Variants in DNAH10 observed in about 807,000 individuals in gnomAD.
DNAH10 encodes the protein axonemal beta dynein heavy chain 10.
A neutral mutation model predicts 506.6 loss-of-function variants in DNAH10; 348 were observed. That is an observed-to-expected ratio of 0.69 (90% confidence interval 0.63 to 0.75). DNAH10 has a LOEUF of 0.75. Among genes scored for constraint, DNAH10 ranks in the 30% least tolerant of loss-of-function variants. The probability of loss-of-function intolerance (pLI) is 0.00; values close to 1 mark genes in which losing one functional copy is unlikely to be tolerated. For synonymous variants in DNAH10, 2,059 were observed against 2,198.6 expected (o/e 0.94, Z 1.78); for missense variants, 5,179 against 5,787.1 (o/e 0.89, Z 3.41).
At chr12:123,764,075 G>A (rs897819449) in intron 1 of DNAH10, among the ~76,000 whole-genome samples, 12 of 150,472 alleles carry the variant, frequency 8.0e-5, no homozygotes, top group Non-Finnish European at 1.5e-5. Context: ...CATGTTGGCC[G>A]GGCTGCTCTT....
chr12:123,926,528 T>A lies in DNAH10; in HGVS notation c.11922-109T>A. ...ACTGCAACGAGCTATCCCAGAGGAG[T>A]GGTCAGAAGGTTCTGGACACCGGAG... On this transcript the variant is annotated intron_variant, in intron 68 of 78. Transcript: ENST00000673944. The surrounding 1 kb of genome is among the most constrained non-coding windows in gnomAD (Gnocchi z 4.1). The A allele has an allele frequency of 1.7e-6, 2 of 1,146,788 alleles. No individual in the cohort carries two copies. The highest frequency in any genetic ancestry group is 1.7e-5 in the South Asian group (1 of 58,620). The allele number at this position is 1,146,788 out of a possible 1,614,324, so 71.0% of individuals were successfully genotyped here.
intron 21 of DNAH10, among the ~76,000 whole-genome samples, chr12:123,814,541 C>T (rs1959068702): frequency 6.6e-6 from 1 of 151,556 alleles, no homozygotes; most frequent in Admixed American, 6.6e-5. Context: ...AAACTTCATG[C>T]AAATCCTGAT....
chr12:123,890,785 G>T (rs1436175374), intron 52 of DNAH10, among the ~76,000 whole-genome samples: 1 of 152,164 alleles, frequency 6.6e-6, no homozygotes, highest in Non-Finnish European at 1.5e-5. Context: ...GAGCCAACGG[G>T]ACTTCGATCG....
At chr12:123,833,378 A>C in intron 27 of DNAH10, 31 bp downstream of exon 27, 1 of 1,558,086 alleles carries the variant, frequency 6.4e-7, no homozygotes, top group Non-Finnish European at 8.8e-7. Context: ...AAGATGGATT[A>C]GAGCCAGTGC....
intron 48 of DNAH10, 86 bp downstream of exon 48, chr12:123,877,994 T>G: frequency 6.9e-7 from 1 of 1,456,834 alleles, no homozygotes; most frequent in Non-Finnish European, 9.3e-7. Context: ...ATCAGTGGAT[T>G]TGATGAATCG....
chr12:123,844,675 G>A (rs1213438219), intron 30 of DNAH10, among the ~76,000 whole-genome samples: 2 of 152,224 alleles, frequency 1.3e-5, no homozygotes, highest in Non-Finnish European at 2.9e-5. Flanking sequence ...GTCTTGCTCT[G>A]TTGCCCTGGC....
intron 1 of DNAH10, among the ~76,000 whole-genome samples, chr12:123,767,028 C>CGCA (rs1208126697): frequency 4.0e-5 from 6 of 151,812 alleles, no homozygotes; most frequent in African/African-American, 1.5e-4. Context: ...GCATCAGCCT[C>CGCA]CCAAGTAGCT....
chr12:123,778,040 A>G (rs1957505356), intron 5 of DNAH10, among the ~76,000 whole-genome samples: 1 of 151,990 alleles, frequency 6.6e-6, no homozygotes, highest in Non-Finnish European at 1.5e-5. Context: ...CTCTACCAAA[A>G]AGAAAAAGAA....
rs1313062391 is a variant in DNAH10 at position 123,914,871 on chromosome 12, C to T, written c.10594C>T (p.Pro3532Ser). ...TTCCAGATGGGGATCCCAGGGCCTT[C>T]CCCCCGATGAGCTCTCCGTTCAGAA... Reference protein sequence around the residue: ...EISRWGSQGLPPDELSVQNGI... With the variant: ...EISRWGSQGLSPDELSVQNGI... Residue 3532 changes from proline to serine, a missense_variant, in exon 62 of 79, where the codon CCC becomes TCC. Coordinates refer to ENST00000673944, the MANE Select transcript of DNAH10 (RefSeq NM_001372106.1). 1.2e-5 allele frequency: 20 copies of T among 1,613,130 alleles called. No individual in the cohort carries two copies. In the East Asian group the frequency reaches 3.6e-4, roughly 29 times the overall value.
chr12:123,819,091 A>C (rs748799698), intron 22 of DNAH10, 25 bp downstream of exon 22: 37 of 1,599,300 alleles, frequency 2.3e-5, no homozygotes, highest in Non-Finnish European at 3.0e-5. Flanking sequence ...TCACTTCCTG[A>C]GTAAAGACAT....
chr12:123,805,933 C>T (rs1001945115), intron 18 of DNAH10, among the ~76,000 whole-genome samples: 6 of 152,008 alleles, frequency 3.9e-5, no homozygotes, highest in African/African-American at 7.2e-5. Flanking sequence ...CCCACCACTA[C>T]GCCTGGCTAG....
Position 123,903,009 on chromosome 12 carries a change from G to A in DNAH10, c.9711G>A (p.Met3237Ile). ...AGGAGCAGAACAAAGTCATTGCCAT[G>A]GAGAAGGCCGAGGCCGAGACGACCC... ...EIEEQNKVIA[M>I]EKAEAETTLA... Residue 3237 changes from methionine (M) to isoleucine (I), a missense_variant, in exon 57 of 79, where the codon ATG becomes ATA. Met to Ile is a conservative substitution (Grantham distance 10). Transcript: ENST00000673944. The surrounding 1 kb of genome is among the most constrained non-coding windows in gnomAD (Gnocchi z 4.6). 4 of 1,601,638 alleles carry A rather than the reference G, an allele frequency of 2.5e-6. No homozygotes were observed. In the East Asian group the frequency reaches 6.8e-5, roughly 27 times the overall value.
intron 11 of DNAH10, among the ~76,000 whole-genome samples, chr12:123,791,735 ATTTTT>A (rs1212590373): frequency 6.6e-6 from 1 of 151,952 alleles, no homozygotes; most frequent in Admixed American, 6.6e-5. Context: ...TGTCTGGCTA[ATTTTT>A]AAAATTTTTA....
chr12:123,901,716 A>G (rs1953529278), intron 56 of DNAH10, among the ~76,000 whole-genome samples: 1 of 152,194 alleles, frequency 6.6e-6, no homozygotes, highest in African/African-American at 2.4e-5. Flanking sequence ...GCTGGAGTGC[A>G]GTGGCGCGAT....
chr12:123,822,395 G>A (rs749652844), intron 24 of DNAH10, among the ~76,000 whole-genome samples: 2 of 152,044 alleles, frequency 1.3e-5, no homozygotes, highest in Non-Finnish European at 2.9e-5. Flanking sequence ...CCCTTCTTGA[G>A]TCCCCAAGGG....
intron 39 of DNAH10, among the ~76,000 whole-genome samples, chr12:123,862,959 C>T (rs762244960): frequency 6.6e-5 from 10 of 152,136 alleles, no homozygotes; most frequent in South Asian, 2.1e-4. Context: ...GGCAAAAAAA[C>T]GTAACAATTG....
chr12:123,852,635 T>C (rs371066184), intron 35 of DNAH10, among the ~76,000 whole-genome samples: 119 of 152,050 alleles, frequency 7.8e-4, no homozygotes, highest in African/African-American at 2.3e-3. Context: ...TGCAGTGGTG[T>C]GATCTCAGCT....
At chr12:123,859,310 G>GCTC (rs1159330303) in intron 38 of DNAH10, 42 bp downstream of exon 38, 30 of 1,464,368 alleles carry the variant, frequency 2.0e-5, no homozygotes, top group Non-Finnish European at 2.7e-5. Context: ...TGCCACAGGG[G>GCTC]CTCACAGTAT....
Position 123,808,916 on chromosome 12 carries a change from G to C in DNAH10, c.3107G>C (p.Cys1036Ser), listed in dbSNP as rs1382790963. 1.9e-6 allele frequency: 3 copies of C among 1,614,036 alleles called. No individual in the cohort carries two copies. The highest frequency in any genetic ancestry group is 2.5e-6 in the Non-Finnish European group (3 of 1,180,046). ...HPNTNEIDKM[C>S]FHCVRNCVEI... ...AACACAAATGAGATCGACAAGATGT[G>C]CTTCCATTGTGTCCGGAATTGCGTG... Residue 1036 changes from cysteine (C) to serine (S), a missense_variant, in exon 19 of 79, where the codon TGC becomes TCC. By Grantham distance (112) the Cys-to-Ser change is moderately radical. Transcript: ENST00000673944.
Sources: gnomAD v4.1 joint callset for allele counts (sites outside exome capture counted in the v4.1 genomes callset) on GRCh38, gnomAD v4.1.1 for gene constraint, Gnocchi (gnomAD v3.1) non-coding constraint, MANE v1.5 for transcripts, NCBI Gene and HGNC (gene_info 2026-07-23, HGNC 2026-07-21) for gene names.